Variants in PRKCH observed in about 807,000 individuals in gnomAD.
PRKCH encodes protein kinase C eta type.
PRKCH carries 28 observed loss-of-function variants against 82.5 expected under a neutral mutation model. The observed-to-expected ratio is 0.34, with a 90% CI of 0.25 to 0.47. The LOEUF (loss-of-function observed/expected upper bound fraction) is 0.47. PRKCH is among the 20% of genes least tolerant of loss of function. The probability of loss-of-function intolerance (pLI) is 1.00; values close to 1 mark genes in which losing one functional copy is unlikely to be tolerated. For missense variants in PRKCH, 705 were observed against 881.8 expected, an observed-to-expected ratio of 0.80 and a Z score of 2.54; for synonymous variants, 322 against 327.4, an observed-to-expected ratio of 0.98 and a Z score of 0.18.
In PRKCH at chr14:61,421,704, T is replaced by C. The variant is rs538373595; in HGVS notation, c.428-21407T>C. The stretch of plus-strand genomic sequence containing the variant: ...ATTTATGGAAACACCAATCTACCCA[T>C]TCATTCTTTCACTGCTACTTGTATG... On this transcript the variant is annotated intron_variant, in intron 2 of 13. Coordinates refer to ENST00000332981, the MANE Select transcript of PRKCH (RefSeq NM_006255.5). Among the ~76,000 whole-genome samples the C allele has an allele frequency of 5.3e-5, 8 of 152,324 alleles. 1 individual carries two copies. In the South Asian group the frequency reaches 1.5e-3, roughly 28 times the overall value.
chr14:61,503,040 T>G lies in PRKCH; in HGVS notation c.1433+17384T>G, dbSNP rs1190398488. ...TTTTTTTTGACTCCTACACAGAAGG[T>G]GGAATTGAGAAAAATATACTGTGGC... On this transcript the variant is annotated intron_variant, in intron 10 of 13. Coordinates refer to ENST00000332981, the MANE Select transcript of PRKCH (RefSeq NM_006255.5). Among the ~76,000 whole-genome samples, 12 of 127,344 alleles carry G rather than the reference T, an allele frequency of 9.4e-5. No homozygotes were observed. In the South Asian group the frequency reaches 9.7e-4, roughly 10 times the overall value. 83.5% of individuals were successfully genotyped at this position (127,344 alleles called of 152,430 possible).
At chr14:61,339,071 C>T (rs1396168204) in intron 1 of PRKCH, among the ~76,000 whole-genome samples, 1 of 152,044 alleles carries the variant, frequency 6.6e-6, no homozygotes, top group Non-Finnish European at 1.5e-5. Flanking sequence ...TGAGGCCTCC[C>T]CACCACTTTC....
chr14:61,439,573 G>A (rs1168799663), intron 2 of PRKCH, among the ~76,000 whole-genome samples: 1 of 152,172 alleles, frequency 6.6e-6, no homozygotes, highest in Non-Finnish European at 1.5e-5. Context: ...CACGGCCCCA[G>A]GTCGTGAGAG....
At chr14:61,356,063 G>T (rs1394116243) in intron 1 of PRKCH, among the ~76,000 whole-genome samples, 1 of 152,194 alleles carries the variant, frequency 6.6e-6, no homozygotes, top group East Asian at 1.9e-4. Flanking sequence ...AACCGGAAGA[G>T]CAGGAACTGC....
At chr14:61,422,936 T>G (rs931953566) in intron 2 of PRKCH, among the ~76,000 whole-genome samples, 13 of 152,230 alleles carry the variant, frequency 8.5e-5, no homozygotes, top group Non-Finnish European at 1.5e-4. Context: ...TCTTTTATTT[T>G]TATTTTCTTT....
chr14:61,322,939 T>G (rs924224207), intron 1 of PRKCH: 4 of 157,620 alleles, frequency 2.5e-5, no homozygotes, highest in Admixed American at 2.4e-4. Context: ...CGCTCAGACG[T>G]GCACACGTGT....
chr14:61,210,152 A>AAAAATTTTTATATATT (rs2044562052), intron 1 of PRKCH, among the ~76,000 whole-genome samples: 1 of 91,782 alleles, frequency 1.1e-5, no homozygotes, highest in Non-Finnish European at 2.2e-5. Context: ...ATATATATAT[A>AAAAATTTTTATATATT]TATATATATA....
chr14:61,226,554 C>A (rs1210759929), intron 1 of PRKCH, among the ~76,000 whole-genome samples: 1 of 152,208 alleles, frequency 6.6e-6, no homozygotes, highest in Non-Finnish European at 1.5e-5. Flanking sequence ...TGTGGGGCAA[C>A]TGTGTCCTGC....
At chr14:61,254,341 G>C (rs996614631) in intron 1 of PRKCH, among the ~76,000 whole-genome samples, 1 of 152,096 alleles carries the variant, frequency 6.6e-6, no homozygotes, top group Non-Finnish European at 1.5e-5. Flanking sequence ...GACCAGGCAC[G>C]GTGGCTCATG....
chr14:61,216,102 T>C (rs1422224222), intron 1 of PRKCH, among the ~76,000 whole-genome samples: 1 of 152,222 alleles, frequency 6.6e-6, no homozygotes, highest in Non-Finnish European at 1.5e-5. Flanking sequence ...TCTCTTTACA[T>C]TTATTTTGTT....
intron 1 of PRKCH, among the ~76,000 whole-genome samples, chr14:61,285,600 A>G (rs1204590168): frequency 6.6e-6 from 1 of 152,218 alleles, no homozygotes. Context: ...TCTGTGAATC[A>G]GTACTTACAG....
chr14:61,229,904 T>G (rs1566787870), intron 1 of PRKCH, among the ~76,000 whole-genome samples: 1 of 152,196 alleles, frequency 6.6e-6, no homozygotes. Flanking sequence ...CCATCAACAT[T>G]CCAACCCCCT....
intron 9 of PRKCH, among the ~76,000 whole-genome samples, chr14:61,459,460 C>T (rs1884932051): frequency 6.6e-6 from 1 of 152,120 alleles, no homozygotes; most frequent in Non-Finnish European, 1.5e-5. Flanking sequence ...CACAGCATAT[C>T]GAGGTTGAAC....
chr14:61,329,234 C>CTTTTTTTCTTTTTTTTTTTTTTTT (rs1476293025), intron 1 of PRKCH, among the ~76,000 whole-genome samples: 1 of 63,462 alleles, frequency 1.6e-5, no homozygotes, highest in African/African-American at 6.8e-5. Context: ...ACTCCTGAGT[C>CTTTTTTTCTTTTTTTTTTTTTTTT]TTTTTTTTTT....
Position 61,518,859 on chromosome 14 carries a change from C to T in PRKCH, c.1434-10216C>T, listed in dbSNP as rs1361418768. Among the ~76,000 whole-genome samples, 178 of 152,322 alleles carry T rather than the reference C, an allele frequency of 1.2e-3. 1 individual carries two copies. Among genetic ancestry groups the T allele is most frequent in the African/African-American group, 4.1e-3 (170 of 41,570 alleles). ...ACAGGATCTTGCTCTGTTGCCCATG[C>T]TGGAGTGCAGTAGCACAATCATAGC... On this transcript the variant is annotated intron_variant, in intron 10 of 13. Coordinates refer to ENST00000332981, the MANE Select transcript of PRKCH (RefSeq NM_006255.5).
At chr14:61,522,189 T>TGACACATCTAGTTCTC (rs2042915317) in intron 10 of PRKCH, among the ~76,000 whole-genome samples, 2 of 152,184 alleles carry the variant, frequency 1.3e-5, no homozygotes, top group African/African-American at 2.4e-5. Flanking sequence ...CAGTAGTTCT[T>TGACACATCTAGTTCTC]GACACATCTA....
At chr14:61,229,981 G>A (rs1215321115) in intron 1 of PRKCH, among the ~76,000 whole-genome samples, 9 of 152,160 alleles carry the variant, frequency 5.9e-5, no homozygotes, top group African/African-American at 1.9e-4. Flanking sequence ...TTTTGTAAGA[G>A]TGGGTGTGTT....
intron 2 of PRKCH, among the ~76,000 whole-genome samples, chr14:61,437,530 A>G (rs911833543): frequency 6.6e-6 from 1 of 152,244 alleles, no homozygotes; most frequent in African/African-American, 2.4e-5. Context: ...AACAATAGTC[A>G]ACGGAGTCTG....
chr14:61,359,730 T>C (rs1029487846), intron 1 of PRKCH, among the ~76,000 whole-genome samples: 5 of 152,254 alleles, frequency 3.3e-5, no homozygotes, highest in African/African-American at 1.2e-4. Context: ...AGAACTGTGC[T>C]GCCCAATATG....
Sources: gnomAD v4.1 joint callset for allele counts (sites outside exome capture counted in the v4.1 genomes callset) on GRCh38, gnomAD v4.1.1 for gene constraint, MANE v1.5 for transcripts, NCBI Gene and HGNC (gene_info 2026-07-23, HGNC 2026-07-21) for gene names.